Variants in CAST observed in about 807,000 individuals in gnomAD.
The protein encoded by CAST is calpastatin.
A neutral mutation model predicts 119.6 loss-of-function variants in CAST; 76 were observed. That is an observed-to-expected ratio of 0.64 (90% CI 0.53 to 0.77). CAST has a LOEUF of 0.77. Among genes scored for constraint, CAST ranks in the 30% least tolerant of loss-of-function variants. CAST has a pLI of 0.00. For synonymous variants in CAST, 319 were observed against 331.6 expected (o/e 0.96, Z 0.41); for missense variants, 953 against 946.5 (o/e 1.01, Z -0.09).
At chr5:96,059,149 TA>T in the CAST span, among the ~76,000 whole-genome samples, 1 of 152,086 alleles carries the variant, frequency 6.6e-6, no homozygotes, top group African/African-American at 2.4e-5. Flanking sequence ...AAACTGCACC[TA>T]CCTTCCTTGG....
chr5:96,097,936 C>T, the CAST span, among the ~76,000 whole-genome samples: 14 of 152,282 alleles, frequency 9.2e-5, no homozygotes, highest in East Asian at 2.3e-3. Flanking sequence ...AACTAATTTA[C>T]ACTCCCACCA....
intron 29 of CAST, chr5:96,768,578 A>G: frequency 2.9e-6 from 1 of 339,208 alleles, no homozygotes. Flanking sequence ...GTTATTTCTT[A>G]ACTGCTACTT....
the CAST span, among the ~76,000 whole-genome samples, chr5:96,186,459 A>C: frequency 6.6e-6 from 1 of 152,172 alleles, no homozygotes; most frequent in Non-Finnish European, 1.5e-5. Flanking sequence ...GTTTTTGCAC[A>C]TTCAGTATGA....
chr5:96,505,103 C>T, the CAST span, among the ~76,000 whole-genome samples: 2 of 152,126 alleles, frequency 1.3e-5, no homozygotes, highest in African/African-American at 2.4e-5. Context: ...GTTTACATTT[C>T]TCTTGGGTAA....
chr5:96,550,777 C>A (rs1278846557), intron 1 of CAST, among the ~76,000 whole-genome samples: 2 of 152,142 alleles, frequency 1.3e-5, no homozygotes, highest in Non-Finnish European at 2.9e-5. Flanking sequence ...CATACACAAG[C>A]TTCAATAGCC....
the CAST span, among the ~76,000 whole-genome samples, chr5:96,282,708 C>T: frequency 1.3e-5 from 2 of 152,226 alleles, no homozygotes; most frequent in East Asian, 1.9e-4. Flanking sequence ...CAACTTTTGT[C>T]ATTGTGGGGT....
chr5:96,657,370 A>G (rs1748179092), upstream of CAST, among the ~76,000 whole-genome samples: 1 of 152,198 alleles, frequency 6.6e-6, no homozygotes, highest in Non-Finnish European at 1.5e-5. Flanking sequence ...TGGATAGGCT[A>G]CAAGAAATAC....
chr5:96,769,575 CACA>C (rs1771481081), intron 29 of CAST: 1 of 152,000 alleles, frequency 6.6e-6, no homozygotes, highest in African/African-American at 2.4e-5. Flanking sequence ...ATCATTCTCA[CACA>C]ACTACTTTTT....
rs564669907 is a variant in CAST at position 96,746,215 on chromosome 5, G to A, written c.1201-127G>A. 31 of 666,082 alleles carry A rather than the reference G, an allele frequency of 4.7e-5. No homozygotes were observed. The Middle Eastern group carries it at 1.0e-3, about 22-fold the overall frequency. 41.3% of individuals were successfully genotyped at this position (666,082 alleles called of 1,614,324 possible). ...TCGTCTTGTGCTTTGTAGTTTACAA[G>A]GCTCTTCCAGATGCTTTTACCAGAT... On this transcript the variant is annotated intron_variant, in intron 16 of 31. Transcript: ENST00000675179.
the CAST span, among the ~76,000 whole-genome samples, chr5:96,252,299 A>G: frequency 1.3e-5 from 2 of 152,120 alleles, no homozygotes; most frequent in African/African-American, 4.8e-5. Context: ...TGTGAATTTC[A>G]ATTACTATTG....
intron 1 of CAST, among the ~76,000 whole-genome samples, chr5:96,558,958 A>G (rs1486891923): frequency 2.6e-5 from 4 of 152,094 alleles, no homozygotes; most frequent in Admixed American, 6.6e-5. Context: ...AAAATCCTCA[A>G]TAAACTACTG....
chr5:96,335,732 G>A, the CAST span, among the ~76,000 whole-genome samples: 1 of 152,076 alleles, frequency 6.6e-6, no homozygotes. Flanking sequence ...GGATTCAATT[G>A]CTCAAAAGCT....
the CAST span, among the ~76,000 whole-genome samples, chr5:96,279,762 A>G: frequency 6.6e-6 from 1 of 152,244 alleles, no homozygotes; most frequent in Non-Finnish European, 1.5e-5. Flanking sequence ...ATAAAAACTG[A>G]GCTGACCATT....
At chr5:96,332,007 T>C in the CAST span, among the ~76,000 whole-genome samples, 1 of 152,208 alleles carries the variant, frequency 6.6e-6, no homozygotes, top group Non-Finnish European at 1.5e-5. Context: ...AAGAGAACTT[T>C]GTTAGGAGCC....
the CAST span, among the ~76,000 whole-genome samples, chr5:96,413,343 A>G: frequency 6.6e-6 from 1 of 152,212 alleles, no homozygotes; most frequent in Non-Finnish European, 1.5e-5. Context: ...AACAATCTGG[A>G]CAGATTACAG....
chr5:96,642,739 G>C (rs1200174629), intron 1 of CAST, among the ~76,000 whole-genome samples: 1 of 151,870 alleles, frequency 6.6e-6, no homozygotes, highest in Non-Finnish European at 1.5e-5. Flanking sequence ...ACAAGAGACA[G>C]GGTTGCACCA....
At chr5:96,684,593 C>A (rs927510812) in intron 2 of CAST, among the ~76,000 whole-genome samples, 1 of 150,008 alleles carries the variant, frequency 6.7e-6, no homozygotes, top group East Asian at 1.9e-4. Flanking sequence ...GATAGAGTCT[C>A]ACTTTGTTGC....
chr5:96,494,709 T>C, the CAST span, among the ~76,000 whole-genome samples: 1 of 152,252 alleles, frequency 6.6e-6, no homozygotes, highest in Middle Eastern at 3.4e-3. Context: ...GCAGTGGAAA[T>C]TATGGGAACC....
At chr5:96,534,735 G>T (rs1188858914) in intron 1 of CAST, among the ~76,000 whole-genome samples, 1 of 18,730 alleles carries the variant, frequency 5.3e-5, no homozygotes, top group Non-Finnish European at 1.3e-4. Flanking sequence ...GAGAGAGAGA[G>T]AGAGAGAAAG....
Sources: gnomAD v4.1 joint callset for allele counts (sites outside exome capture counted in the v4.1 genomes callset) on GRCh38, gnomAD v4.1.1 for gene constraint, MANE v1.5 for transcripts, NCBI Gene and HGNC (gene_info 2026-07-23, HGNC 2026-07-21) for gene names.